CARMIL1: variants seen among roughly 807,000 people sequenced by gnomAD.
The protein encoded by CARMIL1 is capping protein regulator and myosin 1 linker 1.
A neutral mutation model predicts 177.1 loss-of-function variants in CARMIL1; 90 were observed. The ratio of observed to expected loss-of-function variants is 0.51; its 90% CI spans 0.43 to 0.61. The LOEUF is 0.61. CARMIL1 is among the 20% of genes least tolerant of loss of function. The pLI is 0.00. For missense variants in CARMIL1, 1,380 were observed against 1,667.0 expected (o/e 0.83, Z 3.00); for synonymous variants, 577 against 606.2 (o/e 0.95, Z 0.71).
At chr6:25,517,448 A>T in intron 22 of CARMIL1, 33 bp downstream of exon 22, 1 of 1,565,230 alleles carries the variant, frequency 6.4e-7, no homozygotes, top group Non-Finnish European at 8.8e-7. Context: ...TTCTAGGAAA[A>T]TAAAAAAACA....
intron 2 of CARMIL1, among the ~76,000 whole-genome samples, chr6:25,313,635 A>G (rs9358852): frequency 0.17 from 24,640 of 141,880 alleles, 3,060 homozygotes; most frequent in East Asian, 0.36. Context: ...GAGACCTTGT[A>G]TACATTAATA....
chr6:25,463,451 T>G (rs539455634), intron 8 of CARMIL1, among the ~76,000 whole-genome samples: 1 of 152,296 alleles, frequency 6.6e-6, no homozygotes, highest in South Asian at 2.1e-4. Flanking sequence ...TTCCGTAGAG[T>G]GATGTGCCTT....
At chr6:25,595,350 A>G (rs937715531) in intron 32 of CARMIL1, among the ~76,000 whole-genome samples, 1 of 152,226 alleles carries the variant, frequency 6.6e-6, no homozygotes, top group African/African-American at 2.4e-5. Flanking sequence ...TAGGGAAGCA[A>G]CTAATCAATT....
At chr6:25,591,794 CT>C (rs2151285981) in intron 31 of CARMIL1, among the ~76,000 whole-genome samples, 1 of 152,334 alleles carries the variant, frequency 6.6e-6, no homozygotes, top group South Asian at 2.1e-4. Context: ...TCTTTCTGCT[CT>C]CTGTCTCTTT....
At chr6:25,420,005 C>G in intron 2 of CARMIL1, 109 bp from the exon 3 acceptor site, 2 of 804,308 alleles carry the variant, frequency 2.5e-6, no homozygotes, top group Non-Finnish European at 4.4e-6. Flanking sequence ...AGGAGCCAAG[C>G]CATGTGGCCT....
intron 29 of CARMIL1, among the ~76,000 whole-genome samples, chr6:25,560,621 TAAAGTAAGTAACCC>T (rs1281892137): frequency 6.6e-6 from 1 of 152,108 alleles, no homozygotes; most frequent in Non-Finnish European, 1.5e-5. Context: ...GAGAGAAAAG[TAAAGTAAGTAACCC>T]AAGGTTAACC....
intron 9 of CARMIL1, among the ~76,000 whole-genome samples, chr6:25,469,554 G>A (rs991603904): frequency 6.6e-6 from 1 of 152,088 alleles, no homozygotes; most frequent in Non-Finnish European, 1.5e-5. Flanking sequence ...GTGTGTATGT[G>A]TATGTGTGTG....
chr6:25,397,513 A>G (rs895777411), intron 2 of CARMIL1, among the ~76,000 whole-genome samples: 3 of 152,218 alleles, frequency 2.0e-5, no homozygotes, highest in Non-Finnish European at 4.4e-5. Context: ...AGGGTAAGCA[A>G]TGAAAGTTGT....
rs545569575 is a variant in CARMIL1 at position 25,341,179 on chromosome 6, T to G, written c.138+56270T>G. Among the ~76,000 whole-genome samples, 14 of 152,070 alleles carry G rather than the reference T, an allele frequency of 9.2e-5. No homozygotes were observed. In the South Asian group the frequency reaches 2.7e-3, roughly 29 times the overall value. ...GCGTAAACGGGAGGCTTTGGGCGTT[T>G]AGGTATTTGCTGTCATTTACATAGC... On this transcript the variant is annotated intron_variant, in intron 2 of 36. Coordinates refer to ENST00000329474, the MANE Select transcript of CARMIL1 (RefSeq NM_017640.6).
intron 8 of CARMIL1, among the ~76,000 whole-genome samples, chr6:25,455,273 C>G (rs1349539403): frequency 6.6e-6 from 1 of 152,180 alleles, no homozygotes; most frequent in African/African-American, 2.4e-5. Context: ...GAAAGCTCTC[C>G]TGACTGGCCA....
chr6:25,491,886 A>G, intron 14 of CARMIL1, 62 bp from the exon 15 acceptor site: 1 of 1,559,576 alleles, frequency 6.4e-7, no homozygotes, highest in Non-Finnish European at 8.8e-7. Context: ...GGGGACCTCT[A>G]ATAAAAGATT....
chr6:25,330,675 C>T (rs1174830548), intron 2 of CARMIL1, among the ~76,000 whole-genome samples: 6 of 137,410 alleles, frequency 4.4e-5, no homozygotes, highest in Non-Finnish European at 7.9e-5. Flanking sequence ...CGCACCCCCC[C>T]GCCCATCTCT....
At chr6:25,404,111 A>G (rs891479645) in intron 2 of CARMIL1, among the ~76,000 whole-genome samples, 5 of 152,218 alleles carry the variant, frequency 3.3e-5, no homozygotes, top group African/African-American at 9.6e-5. Context: ...TCCACTTCTA[A>G]GATTACTCTG....
At chr6:25,312,905 TAAAAAAAAAA>T (rs35960509) in intron 2 of CARMIL1, among the ~76,000 whole-genome samples, 2 of 115,000 alleles carry the variant, frequency 1.7e-5, no homozygotes, top group Admixed American at 9.0e-5. Context: ...ATGACTCAGT[TAAAAAAAAAA>T]AAAAAAAAAA....
chr6:25,296,958 ACTAAC>A (rs1221370830), intron 2 of CARMIL1, among the ~76,000 whole-genome samples: 1 of 150,498 alleles, frequency 6.6e-6, no homozygotes, highest in African/African-American at 2.4e-5. Context: ...TAACTAACTA[ACTAAC>A]TAAAGCATTT....
intron 31 of CARMIL1, among the ~76,000 whole-genome samples, chr6:25,582,938 A>G (rs1813263493): frequency 6.6e-6 from 1 of 152,196 alleles, no homozygotes; most frequent in South Asian, 2.1e-4. Context: ...AAGTCTCTCC[A>G]GAACAGACTG....
intron 4 of CARMIL1, 26 bp downstream of exon 4, chr6:25,426,586 A>C (rs1479456444): frequency 2.5e-6 from 4 of 1,596,154 alleles, no homozygotes; most frequent in African/African-American, 2.7e-5. Context: ...GGATCACTGC[A>C]AGATCATGAT....
rs1417683768 is a variant in CARMIL1, at chr6:25,540,038, T to C, written c.2288T>C (p.Met763Thr). The C allele has an allele frequency of 6.2e-7, 1 of 1,610,418 alleles. No individual in the cohort carries two copies. The highest frequency in any genetic ancestry group is 8.5e-7 in the Non-Finnish European group (1 of 1,178,554). Residue 763 changes from methionine (M) to threonine (T), a missense_variant, in exon 26 of 37, where the codon ATG (methionine) becomes ACG (threonine). Physicochemically the swap from Met to Thr is moderately conservative, Grantham distance 81. Transcript: ENST00000329474. ...SSPIQETLES[M>T]AGEVTRVVDE... The stretch of plus-strand genomic sequence containing the variant: ...CCAATTCAGGAGACCCTGGAATCAA[T>C]GGCTGGAGAAGTTACAAGAGTAGTA...
chr6:25,506,127 A>G (rs1465337271), intron 17 of CARMIL1, among the ~76,000 whole-genome samples: 2 of 152,252 alleles, frequency 1.3e-5, no homozygotes, highest in East Asian at 3.8e-4. Context: ...GGCAAGCATC[A>G]TTGTAGTGCC....
Sources: allele counts gnomAD v4.1 joint callset (sites outside exome capture counted in the v4.1 genomes callset), GRCh38; gene constraint gnomAD v4.1.1; transcripts MANE v1.5; gene names NCBI Gene and HGNC (gene_info 2026-07-23, HGNC 2026-07-21).